GUSB: variants seen among roughly 807,000 people sequenced by gnomAD.
The protein encoded by GUSB is glucuronidase beta.
In GUSB, 51 loss-of-function variants were observed where a neutral mutation model predicts 74.6. The ratio of observed to expected loss-of-function variants is 0.68; its 90% CI spans 0.55 to 0.86. The LOEUF is 0.86. GUSB is among the 40% of genes least tolerant of loss of function. The pLI is 0.00. For missense variants in GUSB, 736 were observed against 853.7 expected (o/e 0.86, Z 1.72); for synonymous variants, 360 against 348.3 (o/e 1.03, Z -0.37).
At chr7:65,968,409 G>C (rs987474524) in intron 9 of GUSB, among the ~76,000 whole-genome samples, 7 of 152,110 alleles carry the variant, frequency 4.6e-5, no homozygotes, top group African/African-American at 1.7e-4. Flanking sequence ...GTGCGCCGCT[G>C]GGAAGGGCTG....
chr7:65,974,741 T>C lies in GUSB; in HGVS notation c.1066-37A>G, dbSNP rs778098621. Reference sequence around the variant, plus strand: ...CAGAGCCAAGTGACCCCTGTCCCTGTCGAAGCTGCACTTCCTCTGAGAGCC... The same window carrying C: ...CAGAGCCAAGTGACCCCTGTCCCTGCCGAAGCTGCACTTCCTCTGAGAGCC... On this transcript the variant is annotated intron_variant, in intron 6 of 11. Coordinates refer to ENST00000304895, the MANE Select transcript of GUSB (RefSeq NM_000181.4). 6.2e-6 allele frequency: 10 copies of C among 1,608,666 alleles called. No homozygotes were observed. The East Asian group carries it at 2.2e-4, about 36-fold the overall frequency.
intron 10 of GUSB, 75 bp from the exon 11 acceptor site, chr7:65,964,533 A>G: frequency 6.9e-7 from 1 of 1,442,652 alleles, no homozygotes; most frequent in Non-Finnish European, 9.6e-7. Context: ...ATAAAGATCC[A>G]CTTGATGGTG....
At chr7:65,962,239 G>A (rs1326959553) in intron 11 of GUSB, among the ~76,000 whole-genome samples, 1 of 152,138 alleles carries the variant, frequency 6.6e-6, no homozygotes, top group Non-Finnish European at 1.5e-5. Context: ...CGGGGCTGAC[G>A]TCCAGCTTGG....
intron 8 of GUSB, among the ~76,000 whole-genome samples, chr7:65,973,013 T>C (rs1480140448): frequency 7.2e-5 from 11 of 152,182 alleles, no homozygotes; most frequent in Non-Finnish European, 1.5e-4. Flanking sequence ...CTCTGAACGC[T>C]GAGTTAGAAC....
At position 65,975,089 on chromosome 7, in the gene GUSB, C is replaced by G; in HGVS notation, c.913-18G>C. On this transcript the variant is annotated intron_variant, in intron 5 of 11. Transcript: ENST00000304895. ...AGCTGCACCTATGACAGCCAAAGCA[C>G]CAGGTGTGAGCACCCCGACAGCCTG... 6.2e-7 allele frequency: 1 copy of G among 1,612,272 alleles called. No individual in the cohort carries two copies. Among genetic ancestry groups the G allele is most frequent in the Non-Finnish European group, 8.5e-7 (1 of 1,179,384 alleles).
At position 65,979,328 on chromosome 7, in the gene GUSB, G is replaced by T; in HGVS notation, c.724+71C>A. The T allele has an allele frequency of 2.1e-6, 3 of 1,448,846 alleles. No homozygotes were observed. The South Asian group carries it at 3.4e-5, about 17-fold the overall frequency. The allele number at this position is 1,448,846 out of a possible 1,614,324, so 89.7% of individuals were successfully genotyped here. On this transcript the variant is annotated intron_variant, in intron 4 of 11. Transcript: ENST00000304895. ...TGCTGGGAGCACCTTTTTCCTGGGA[G>T]AGCTTTCCAAACAGGGAACAAACAG... is the stretch of plus-strand genomic sequence containing the variant.
At chr7:65,981,538 AT>A (rs200262205) in intron 1 of GUSB, among the ~76,000 whole-genome samples, 8,673 of 145,954 alleles carry the variant, frequency 0.059, 666 homozygotes, top group African/African-American at 0.18. Flanking sequence ...AGCCCAGATA[AT>A]TTTTTTTTTT....
In GUSB at chr7:65,979,413, A is replaced by G; in HGVS notation, c.710T>C (p.Val237Ala). Residue 237 changes from valine (V) to alanine (A), a missense_variant, in exon 4 of 12, where the codon GTG (valine) becomes GCG (alanine). By Grantham distance (64) the Val-to-Ala change is moderately conservative. This residue lies in a region of GUSB where 368 missense variants were observed against 363.8 expected (regional missense o/e 1.01). Transcript: ENST00000304895. ...YIDDITVTTS[V>A]EQDSGLVNYQ... ...GAAGCCCTCACCACTGTCTTGCTCC[A>G]CGCTGGTGGTGACGGTGATGTCATC... 1 of 1,613,742 alleles carries G rather than the reference A, an allele frequency of 6.2e-7. No individual in the cohort carries two copies. The highest frequency in any genetic ancestry group is 8.5e-7 in the Non-Finnish European group (1 of 1,179,830).
intron 9 of GUSB, 60 bp from the exon 10 acceptor site, chr7:65,967,967 C>G (rs1790945749): frequency 1.2e-5 from 17 of 1,389,852 alleles, no homozygotes; most frequent in Non-Finnish European, 1.7e-5. Context: ...TCAGCATTCA[C>G]ACACTGCGGG....
At position 65,976,334 on chromosome 7, in the gene GUSB, T is replaced by A. The variant is rs543078465; in HGVS notation, c.725-132A>T. The A allele has an allele frequency of 5.8e-6, 4 of 686,998 alleles. No homozygotes were observed. In the Admixed American group the frequency reaches 7.5e-5, roughly 13 times the overall value. 42.6% of individuals were successfully genotyped at this position (686,998 alleles called of 1,614,324 possible). ...CTTTTTTTAAATTTAATTTCTTATT[T>A]TTTTTTTTTGAGACGGAGTCTCACT... On this transcript the variant is annotated intron_variant, in intron 4 of 11. Transcript: ENST00000304895.
rs757545827 is a variant in GUSB at position 65,979,479 on chromosome 7, T to A, written c.644A>T (p.Gln215Leu). The change falls in exon 4 of 12, where the codon CAG (glutamine) becomes CTG (leucine). Residue 215 changes from glutamine (Q) to leucine (L), a missense_variant. Physicochemically the swap from Gln to Leu is moderately radical, Grantham distance 113. Coordinates refer to ENST00000304895, the MANE Select transcript of GUSB (RefSeq NM_000181.4). ...YFDFFNYAGL[Q>L]RSVLLYTTPT... ...TGTCGTGTACAGAAGTACAGACCGC[T>A]GCAGTCCAGCGTAGTTGAAAAAGTC... The A allele has an allele frequency of 6.2e-7, 1 of 1,613,844 alleles. No individual in the cohort carries two copies. The highest frequency in any genetic ancestry group is 1.3e-5 in the African/African-American group (1 of 74,918).
intron 8 of GUSB, among the ~76,000 whole-genome samples, 193 bp downstream of exon 8, chr7:65,974,102 G>T (rs1002822276): frequency 6.7e-6 from 1 of 150,254 alleles, no homozygotes; most frequent in African/African-American, 2.4e-5. Flanking sequence ...ATCTCAAAAA[G>T]AAAAAAAAAG....
In GUSB at chr7:65,979,777, GGTGA is replaced by G. The variant is rs776287966; in HGVS notation, c.527_530del (p.Leu176ProfsTer13). 3.7e-6 allele frequency: 6 copies of G among 1,613,726 alleles called. No individual in the cohort carries two copies. Among genetic ancestry groups the G allele is most frequent in the African/African-American group, 1.3e-5 (1 of 74,934 alleles). ...TGGTCCCTGGTGGCAGGGTGGTGGGGGTGAGTGTGTTGTTGATGGCGATAGTGAT... is the reference window on the plus strand; with the variant it reads ...TGGTCCCTGGTGGCAGGGTGGTGGGGGTGTGTTGTTGATGGCGATAGTGAT... On this transcript the variant is annotated frameshift_variant, in exon 3 of 12. Coordinates refer to ENST00000304895, the MANE Select transcript of GUSB (RefSeq NM_000181.4). LOFTEE classifies it high-confidence loss of function.
rs568911405 is a variant in GUSB at position 65,965,403 on chromosome 7, AATTT to A, written c.1654-949_1654-946del. 8.2e-3 allele frequency among the ~76,000 whole-genome samples: 1,243 copies of A among 152,298 alleles called. 19 individuals carry two copies. The highest frequency in any genetic ancestry group is 7.0e-3 in the Non-Finnish European group (474 of 68,016). ...CAACAGAGTGAGGCTGTCTCAAAAA[AATTT>A]ATTTAATTAAACTAAATCAATTCAG... is the stretch of plus-strand genomic sequence containing the variant. On this transcript the variant is annotated intron_variant, in intron 10 of 11. Coordinates refer to ENST00000304895, the MANE Select transcript of GUSB (RefSeq NM_000181.4).
At chr7:65,978,133 G>GA (rs1791715947) in intron 4 of GUSB, among the ~76,000 whole-genome samples, 1 of 151,728 alleles carries the variant, frequency 6.6e-6, no homozygotes, top group African/African-American at 2.4e-5. Context: ...TTTTTAAAAA[G>GA]AAAAAAAACT....
At chr7:65,967,055 A>C (rs1030431243) in intron 10 of GUSB, among the ~76,000 whole-genome samples, 5 of 152,164 alleles carry the variant, frequency 3.3e-5, no homozygotes, top group African/African-American at 1.2e-4. Flanking sequence ...GCTGGGATAG[A>C]GGGGAGAAGG....
At chr7:65,965,366 C>G (rs1475191249) in intron 10 of GUSB, among the ~76,000 whole-genome samples, 1 of 151,892 alleles carries the variant, frequency 6.6e-6, no homozygotes, top group African/African-American at 2.4e-5. Context: ...TGCCACTGCA[C>G]TCCAGCCTGG....
intron 3 of GUSB, 80 bp downstream of exon 3, chr7:65,979,647 G>T (rs1791849564): frequency 3.8e-6 from 6 of 1,590,464 alleles, no homozygotes; most frequent in Middle Eastern, 1.7e-4. Context: ...ACTCTGTGAA[G>T]GCCACCCAGT....
intron 8 of GUSB, 36 bp from the exon 9 acceptor site, chr7:65,970,402 G>A (rs766724365): frequency 7.2e-6 from 10 of 1,393,674 alleles, no homozygotes; most frequent in South Asian, 1.2e-5. Context: ...GGTTCCATCA[G>A]TCCAGGAATG....
Sources: allele counts gnomAD v4.1 joint callset (sites outside exome capture counted in the v4.1 genomes callset), GRCh38; gene constraint gnomAD v4.1.1; regional missense constraint gnomAD v4.1.1; transcripts MANE v1.5; gene names NCBI Gene and HGNC (gene_info 2026-07-23, HGNC 2026-07-21).